Variants in GABRB2 observed in about 807,000 individuals in gnomAD.
The protein encoded by GABRB2 is gamma-aminobutyric acid type A receptor subunit beta2.
GABRB2 carries 16 observed loss-of-function variants against 54.7 expected under a neutral mutation model. That is an observed-to-expected ratio of 0.29 (90% CI 0.20 to 0.44). GABRB2 has a LOEUF of 0.44. Among genes scored for constraint, GABRB2 ranks in the 20% least tolerant of loss-of-function variants. The probability of loss-of-function intolerance (pLI) is 1.00; values close to 1 mark genes in which losing one functional copy is unlikely to be tolerated. For missense variants in GABRB2, 355 were observed against 644.0 expected (o/e 0.55, Z 4.86); for synonymous variants, 244 against 233.8 (o/e 1.04, Z -0.40).
At chr5:161,376,521 G>C (rs1163911077) in intron 5 of GABRB2, among the ~76,000 whole-genome samples, 1 of 152,102 alleles carries the variant, frequency 6.6e-6, no homozygotes, top group East Asian at 1.9e-4. Flanking sequence ...AGATATTCAA[G>C]AGATATTGAG....
intron 4 of GABRB2, among the ~76,000 whole-genome samples, chr5:161,441,683 T>A (rs1381347079): frequency 1.3e-5 from 2 of 152,136 alleles, no homozygotes; most frequent in Non-Finnish European, 1.5e-5. Flanking sequence ...TTACAATGGC[T>A]AAGATTTGGA....
chr5:161,517,346 A>G (rs555421101), intron 3 of GABRB2, among the ~76,000 whole-genome samples: 2 of 152,288 alleles, frequency 1.3e-5, no homozygotes, highest in Non-Finnish European at 2.9e-5. Context: ...TTCTCCAAAA[A>G]TATATTTGTG....
intron 5 of GABRB2, among the ~76,000 whole-genome samples, chr5:161,341,937 T>TTA (rs1237952955): frequency 0.11 from 7,929 of 75,404 alleles, 309 homozygotes; most frequent in African/African-American, 0.16. Context: ...ATTTTTTCTT[T>TTA]TATATATATA....
chr5:161,432,933 C>T (rs750902536), intron 4 of GABRB2, among the ~76,000 whole-genome samples: 6 of 149,994 alleles, frequency 4.0e-5, no homozygotes, highest in Admixed American at 2.7e-4. Flanking sequence ...AGATTCACCT[C>T]GTACTTTATG....
chr5:161,418,730 A>G (rs1393837258), intron 4 of GABRB2, among the ~76,000 whole-genome samples: 1 of 152,226 alleles, frequency 6.6e-6, no homozygotes, highest in Non-Finnish European at 1.5e-5. Flanking sequence ...AAATGTTTGC[A>G]AACTAGGCAT....
At chr5:161,492,822 C>T (rs369192553) in intron 3 of GABRB2, among the ~76,000 whole-genome samples, 2 of 151,714 alleles carry the variant, frequency 1.3e-5, no homozygotes, top group African/African-American at 4.8e-5. Context: ...TATGATAGAT[C>T]TCAGACATCT....
At chr5:161,460,268 A>ATATATATATATG (rs1473728574) in intron 3 of GABRB2, among the ~76,000 whole-genome samples, 9 of 148,668 alleles carry the variant, frequency 6.1e-5, no homozygotes, top group Admixed American at 4.0e-4. Flanking sequence ...TTATATATAT[A>ATATATATATATG]TGTGTGTGTG....
chr5:161,334,642 G>T, intron 7 of GABRB2, 110 bp downstream of exon 7: 1 of 1,060,338 alleles, frequency 9.4e-7, no homozygotes, highest in Non-Finnish European at 1.4e-6. Flanking sequence ...AGTGTGAGAG[G>T]TTCAGTTGCG....
chr5:161,348,099 A>G (rs1754370498), intron 5 of GABRB2, among the ~76,000 whole-genome samples: 2 of 152,104 alleles, frequency 1.3e-5, no homozygotes, highest in African/African-American at 4.8e-5. Flanking sequence ...TCTGAAAAAA[A>G]TTGTTATTCT....
In GABRB2 at chr5:161,312,018, T is replaced by TTGTG. The variant is rs3222105; in HGVS notation, c.1191+14346_1191+14349dup. 4.8e-3 allele frequency among the ~76,000 whole-genome samples: 718 copies of TTGTG among 149,038 alleles called. 5 individuals carry two copies. Among genetic ancestry groups the TTGTG allele is most frequent in the East Asian group, 0.014 (71 of 5,032 alleles). On this transcript the variant is annotated intron_variant, in intron 9 of 9. Transcript: ENST00000393959. ...GGTAGAAGAGTTAATCAGTAATGTT[T>TTGTG]TGTGTGTGTGTGTGTGTGTGTGTGT...
intron 5 of GABRB2, among the ~76,000 whole-genome samples, chr5:161,338,452 T>G (rs1754056444): frequency 6.6e-6 from 1 of 152,162 alleles, no homozygotes; most frequent in Non-Finnish European, 1.5e-5. Flanking sequence ...TAGAGCCATC[T>G]GCTTTGCTAT....
Position 161,385,947 on chromosome 5 carries a change from G to GTGTGT in GABRB2, c.541+25027_541+25028insACACA, listed in dbSNP as rs1561631724. Among the ~76,000 whole-genome samples the GTGTGT allele has an allele frequency of 1.5e-3, 141 of 93,412 alleles. 4 individuals carry two copies. Among genetic ancestry groups the GTGTGT allele is most frequent in the Middle Eastern group, 5.3e-3 (1 of 190 alleles). The allele number at this position is 93,412 out of a possible 152,430, so 61.3% of individuals were successfully genotyped here. ...TTTTAGTAACTGTTACCTATTGTCT[G>GTGTGT]GTGTGTGTGTGTGTGTGTGTGTGTG... On this transcript the variant is annotated intron_variant, in intron 5 of 9. Transcript: ENST00000393959.
chr5:161,514,706 A>T (rs1027185159), intron 3 of GABRB2, among the ~76,000 whole-genome samples: 1 of 152,124 alleles, frequency 6.6e-6, no homozygotes, highest in Non-Finnish European at 1.5e-5. Flanking sequence ...TGGCTCCATA[A>T]TCACTTAGAT....
At chr5:161,485,152 C>T (rs1022222391) in intron 3 of GABRB2, among the ~76,000 whole-genome samples, 5 of 151,926 alleles carry the variant, frequency 3.3e-5, no homozygotes, top group East Asian at 1.9e-4. Flanking sequence ...TGTCTAAGGA[C>T]GGACTCCTCA....
intron 3 of GABRB2, among the ~76,000 whole-genome samples, chr5:161,543,008 G>A (rs1187012333): frequency 2.6e-5 from 4 of 152,168 alleles, no homozygotes; most frequent in Admixed American, 6.5e-5. Flanking sequence ...ATTAAGGTTG[G>A]AAGCTGAAAA....
chr5:161,489,506 C>G lies in GABRB2; in HGVS notation c.238-29662G>C, dbSNP rs147404560. Among the ~76,000 whole-genome samples, 7 of 151,702 alleles carry G rather than the reference C, an allele frequency of 4.6e-5. No homozygotes were observed. The East Asian group carries it at 1.4e-3, about 30-fold the overall frequency. Reference sequence around the variant, plus strand: ...AGTAGATAAATTTGTTAAGGTCACACTGGTAGGAAATGAGAGGATCTAAAC... The same window carrying G: ...AGTAGATAAATTTGTTAAGGTCACAGTGGTAGGAAATGAGAGGATCTAAAC... On this transcript the variant is annotated intron_variant, in intron 3 of 9. Transcript: ENST00000393959.
At chr5:161,448,362 G>A (rs955508575) in intron 4 of GABRB2, among the ~76,000 whole-genome samples, 2 of 152,084 alleles carry the variant, frequency 1.3e-5, no homozygotes, top group Admixed American at 1.3e-4. Flanking sequence ...ATTCGAAGCT[G>A]CTCTGAACTA....
Position 161,290,749 on chromosome 5 carries a change from G to C in GABRB2, c.*3332C>G, listed in dbSNP as rs118002531. On this transcript the variant is annotated 3_prime_UTR_variant, in exon 10 of 10. Transcript: ENST00000393959. ...GAAGGTAATCATTAAACTGGAACAC[G>C]GTTACCTATAGAAAATGGAAATTAT... is the stretch of plus-strand genomic sequence containing the variant. 4 of 152,380 alleles carry C rather than the reference G, an allele frequency of 2.6e-5. No homozygotes were observed. Among genetic ancestry groups the C allele is most frequent in the Non-Finnish European group, 1.5e-5 (1 of 67,958 alleles). The allele number at this position is 152,380 out of a possible 1,614,324, so 9.4% of individuals were successfully genotyped here. A position where few individuals can be genotyped will look rare whatever the true frequency, so the allele number is the denominator to read the frequency against.
chr5:161,344,853 T>C (rs1036303034), intron 5 of GABRB2, among the ~76,000 whole-genome samples: 1 of 152,214 alleles, frequency 6.6e-6, no homozygotes, highest in African/African-American at 2.4e-5. Context: ...CACCATAGAA[T>C]ACTATGCAGC....
Sources: allele counts gnomAD v4.1 joint callset (sites outside exome capture counted in the v4.1 genomes callset), GRCh38; gene constraint gnomAD v4.1.1; transcripts MANE v1.5; gene names NCBI Gene and HGNC (gene_info 2026-07-23, HGNC 2026-07-21).